The following PHF24 variants were observed in gnomAD, a reference collection of about 807,000 sequenced individuals.
PHF24 encodes the protein PHD finger protein 24, also known as Galpha inhibitory interacting protein.
In PHF24, 25 loss-of-function variants were observed where a neutral mutation model predicts 42.6. That is an observed-to-expected ratio of 0.59 (90% CI 0.43 to 0.82). PHF24 has a LOEUF of 0.82. Ranked by LOEUF, PHF24 falls within the 40% of genes least tolerant of loss-of-function variation. The pLI is 0.00. For synonymous variants in PHF24, 185 were observed against 204.8 expected (o/e 0.90, Z 0.83); for missense variants, 470 against 538.1 (o/e 0.87, Z 1.25).
the PHF24 span, among the ~76,000 whole-genome samples, chr9:34,914,931 G>A: frequency 2.1e-4 from 31 of 146,872 alleles, no homozygotes; most frequent in Admixed American, 1.9e-3. Context: ...GACTACAGGT[G>A]TGTGCCACCA....
At chr9:34,715,413 C>T in the PHF24 span, among the ~76,000 whole-genome samples, 2 of 152,166 alleles carry the variant, frequency 1.3e-5, no homozygotes, top group African/African-American at 4.8e-5. Context: ...CCCACTTGAA[C>T]TGTAAGCTGG....
chr9:34,888,969 A>C, the PHF24 span: 1 of 397,350 alleles, frequency 2.5e-6, no homozygotes, highest in African/African-American at 2.1e-5. Context: ...AATGTGATTT[A>C]AGCTTCTATA....
chr9:34,909,682 C>T, the PHF24 span, among the ~76,000 whole-genome samples: 89 of 149,696 alleles, frequency 5.9e-4, 3 homozygotes, highest in South Asian at 0.016. Context: ...AGTGCAGTGG[C>T]GCGATCTCGG....
At chr9:34,917,561 C>T in the PHF24 span, 1 of 776,562 alleles carries the variant, frequency 1.3e-6, no homozygotes. Flanking sequence ...CAACCAGCAC[C>T]CCTGGTTTGG....
the PHF24 span, chr9:34,889,144 T>A: frequency 3.8e-5 from 15 of 398,638 alleles, no homozygotes; most frequent in South Asian, 1.7e-3. Flanking sequence ...TGAAAGCCTT[T>A]TTCAGGGGAT....
the PHF24 span, among the ~76,000 whole-genome samples, chr9:34,770,943 G>A: frequency 6.6e-5 from 10 of 151,908 alleles, no homozygotes; most frequent in Admixed American, 1.3e-4. Context: ...GTGAAACCTC[G>A]TCTCTACTAA....
chr9:34,869,129 A>G, the PHF24 span, among the ~76,000 whole-genome samples: 2 of 152,276 alleles, frequency 1.3e-5, no homozygotes, highest in East Asian at 3.9e-4. Context: ...ATGTATGTGC[A>G]CAATTTTCTT....
the PHF24 span, among the ~76,000 whole-genome samples, chr9:34,850,564 A>T: frequency 1.3e-5 from 2 of 152,152 alleles, no homozygotes; most frequent in Non-Finnish European, 2.9e-5. Flanking sequence ...CCTGTAGCTC[A>T]GAGTAGTTTG....
chr9:34,917,128 C>T, the PHF24 span: 7 of 878,490 alleles, frequency 8.0e-6, no homozygotes, highest in Non-Finnish European at 1.4e-5. Flanking sequence ...GCTCTCGCGG[C>T]CTACCTTTAC....
the PHF24 span, among the ~76,000 whole-genome samples, chr9:34,733,047 A>C: frequency 6.6e-6 from 1 of 152,192 alleles, no homozygotes; most frequent in Non-Finnish European, 1.5e-5. Context: ...GAAATTCCTA[A>C]GAGTTGAATT....
At chr9:34,698,501 G>A in the PHF24 span, among the ~76,000 whole-genome samples, 1 of 152,170 alleles carries the variant, frequency 6.6e-6, no homozygotes, top group Non-Finnish European at 1.5e-5. Context: ...GTTTGTTTTT[G>A]TTGTTCTTTT....
At chr9:34,918,634 T>C in the PHF24 span, among the ~76,000 whole-genome samples, 14 of 152,314 alleles carry the variant, frequency 9.2e-5, no homozygotes, top group South Asian at 2.3e-3. Flanking sequence ...GTAAGTTTTC[T>C]TTAGAAAAAC....
the PHF24 span, among the ~76,000 whole-genome samples, chr9:34,823,310 G>A: frequency 6.6e-6 from 1 of 151,908 alleles, no homozygotes; most frequent in African/African-American, 2.4e-5. Context: ...AAAGCTAGGG[G>A]GAACATGGCA....
chr9:34,893,486 A>G, the PHF24 span, among the ~76,000 whole-genome samples: 1 of 152,082 alleles, frequency 6.6e-6, no homozygotes, highest in Non-Finnish European at 1.5e-5. Flanking sequence ...CTGTAGTCCC[A>G]GCTACTTGGG....
chr9:34,821,030 TTCTTTTGA>T, the PHF24 span, among the ~76,000 whole-genome samples: 702 of 152,346 alleles, frequency 4.6e-3, 8 homozygotes, highest in Admixed American at 0.04. Context: ...CTCGTATGTC[TTCTTTTGA>T]AAAGTGTCTG....
the PHF24 span, among the ~76,000 whole-genome samples, chr9:34,931,641 C>T: frequency 6.6e-6 from 1 of 152,098 alleles, no homozygotes; most frequent in South Asian, 2.1e-4. Flanking sequence ...TTTCCCGGTC[C>T]TGCTGCGCAA....
At chr9:34,889,942 T>A in the PHF24 span, among the ~76,000 whole-genome samples, 1 of 152,144 alleles carries the variant, frequency 6.6e-6, no homozygotes, top group Non-Finnish European at 1.5e-5. Flanking sequence ...TCTAACAGCT[T>A]TGCAAATTAT....
At chr9:34,896,775 T>C in the PHF24 span, among the ~76,000 whole-genome samples, 2 of 152,272 alleles carry the variant, frequency 1.3e-5, no homozygotes, top group Non-Finnish European at 2.9e-5. Context: ...CCTATCAATA[T>C]TATGGCATGT....
At chr9:34,966,564 T>C (rs954693538) in intron 1 of PHF24, among the ~76,000 whole-genome samples, 2 of 150,516 alleles carry the variant, frequency 1.3e-5, no homozygotes, top group African/African-American at 4.9e-5. Flanking sequence ...GAGACTAGCC[T>C]GGGTAATATG....
Sources: gnomAD v4.1 joint callset for allele counts (sites outside exome capture counted in the v4.1 genomes callset) on GRCh38, gnomAD v4.1.1 for gene constraint, MANE v1.5 for transcripts, NCBI Gene and HGNC (gene_info 2026-07-23, HGNC 2026-07-21) for gene names.